COBL: variants seen among roughly 807,000 people sequenced by gnomAD.
COBL encodes the protein protein cordon-bleu.
COBL carries 51 observed loss-of-function variants against 98.8 expected under a neutral mutation model. The ratio of observed to expected loss-of-function variants is 0.52; its 90% CI spans 0.41 to 0.65. COBL has a LOEUF of 0.65. Among genes scored for constraint, COBL ranks in the 30% least tolerant of loss-of-function variants. COBL has a pLI of 0.00. For missense variants in COBL, 1,617 were observed against 1,617.5 expected (o/e 1.00, Z 0.01); for synonymous variants, 634 against 651.7 (o/e 0.97, Z 0.41).
chr7:51,171,716 A>G (rs1787893744), intron 5 of COBL, among the ~76,000 whole-genome samples: 1 of 152,296 alleles, frequency 6.6e-6, no homozygotes, highest in East Asian at 1.9e-4. Flanking sequence ...TTTTATAATC[A>G]CATCAAATAA....
chr7:51,136,274 G>C lies in COBL; in HGVS notation c.841C>G (p.Pro281Ala). Reference sequence around the variant, plus strand: ...GAGATGCTGCCCAGCGAGAGGGATGGACCCAGCGTAAGAGAACGTGAGTGC... The same window carrying C: ...GAGATGCTGCCCAGCGAGAGGGATGCACCCAGCGTAAGAGAACGTGAGTGC... Reference protein sequence around the residue: ...SMHSRSLTLGPSLSLGSISGV... With the variant: ...SMHSRSLTLGASLSLGSISGV... Residue 281 changes from proline (P) to alanine (A), a missense_variant, in exon 6 of 13, where the codon CCA becomes GCA. This residue lies in a region of COBL where 1,304 missense variants were observed against 1,282.0 expected (regional missense o/e 1.02). Coordinates refer to ENST00000265136, the MANE Select transcript of COBL (RefSeq NM_015198.5). 4 of 1,614,122 alleles carry C rather than the reference G, an allele frequency of 2.5e-6. No individual in the cohort carries two copies. The highest frequency in any genetic ancestry group is 1.3e-5 in the African/African-American group (1 of 75,058).
intron 5 of COBL, among the ~76,000 whole-genome samples, chr7:51,183,317 T>C (rs767716073): frequency 4.6e-5 from 7 of 152,254 alleles, no homozygotes; most frequent in Non-Finnish European, 1.0e-4. Context: ...GGAACAGTTT[T>C]GTCTTTTTTA....
chr7:51,315,847 T>C (rs1220313270), intron 1 of COBL, among the ~76,000 whole-genome samples: 15 of 151,894 alleles, frequency 9.9e-5, no homozygotes, highest in Non-Finnish European at 2.1e-4. Context: ...GGTGTGGGGA[T>C]AGCAAACAGA....
chr7:51,094,845 G>A (rs184141587), intron 6 of COBL, among the ~76,000 whole-genome samples: 1 of 152,292 alleles, frequency 6.6e-6, no homozygotes, highest in African/African-American at 2.4e-5. Context: ...ATGAAAATAT[G>A]TACTTTGTGA....
At chr7:51,121,661 C>A (rs1290067128) in intron 6 of COBL, among the ~76,000 whole-genome samples, 1 of 152,078 alleles carries the variant, frequency 6.6e-6, no homozygotes, top group Non-Finnish European at 1.5e-5. Context: ...GGCTCTGCAC[C>A]CAGCTTCAGT....
Position 51,194,988 on chromosome 7 carries a change from G to C in COBL, c.246-1399C>G, listed in dbSNP as rs181139455. On this transcript the variant is annotated intron_variant, in intron 2 of 12. Transcript: ENST00000265136. ...AGGTTATCTGTTTACTCTGTTGATA[G>C]TTTCTTTTGCTGTGCAGAAGCTCTG... Among the ~76,000 whole-genome samples the C allele has an allele frequency of 3.3e-5, 5 of 152,156 alleles. No homozygotes were observed. In the East Asian group the frequency reaches 9.7e-4, roughly 29 times the overall value.
At chr7:51,292,753 T>G (rs1331667368) in intron 1 of COBL, among the ~76,000 whole-genome samples, 1 of 152,200 alleles carries the variant, frequency 6.6e-6, no homozygotes, top group Admixed American at 6.5e-5. Flanking sequence ...CAAAGCTCCT[T>G]CCAAGGCCCG....
chr7:51,150,706 G>A (rs1785474078), intron 5 of COBL, among the ~76,000 whole-genome samples: 1 of 152,160 alleles, frequency 6.6e-6, no homozygotes, highest in African/African-American at 2.4e-5. Context: ...GATTCTAGTT[G>A]AGTTCATTGT....
intron 6 of COBL, among the ~76,000 whole-genome samples, chr7:51,134,094 A>C (rs1422097727): frequency 6.6e-6 from 1 of 152,218 alleles, no homozygotes; most frequent in Non-Finnish European, 1.5e-5. Context: ...CCAAACAAAC[A>C]TCTTATCTTT....
At chr7:51,276,616 T>A (rs1799335475) in intron 1 of COBL, among the ~76,000 whole-genome samples, 1 of 152,056 alleles carries the variant, frequency 6.6e-6, no homozygotes, top group South Asian at 2.1e-4. Context: ...GTGTGGGGGA[T>A]GAAAGGAGAC....
intron 6 of COBL, among the ~76,000 whole-genome samples, chr7:51,109,202 C>T (rs1032363939): frequency 3.3e-5 from 5 of 152,030 alleles, no homozygotes; most frequent in Non-Finnish European, 5.9e-5. Context: ...CATGGTGCTC[C>T]GCAGGGCTGC....
intron 1 of COBL, among the ~76,000 whole-genome samples, chr7:51,239,419 T>G (rs1795564745): frequency 6.6e-6 from 1 of 152,162 alleles, no homozygotes; most frequent in African/African-American, 2.4e-5. Flanking sequence ...TTACCCTGTA[T>G]GTCAAAAAAG....
intron 7 of COBL, among the ~76,000 whole-genome samples, chr7:51,076,766 T>C (rs1176020228): frequency 6.6e-6 from 1 of 152,188 alleles, no homozygotes; most frequent in Non-Finnish European, 1.5e-5. Flanking sequence ...TGCCTTTTGA[T>C]CTTTTGTCAA....
intron 5 of COBL, among the ~76,000 whole-genome samples, chr7:51,141,393 A>G (rs930934009): frequency 1.3e-5 from 2 of 152,164 alleles, no homozygotes; most frequent in Non-Finnish European, 2.9e-5. Flanking sequence ...TTAGAAGGAC[A>G]TGATGTTTGC....
At chr7:51,076,344 C>A (rs1793073141) in intron 7 of COBL, among the ~76,000 whole-genome samples, 1 of 152,230 alleles carries the variant, frequency 6.6e-6, no homozygotes, top group African/African-American at 2.4e-5. Context: ...TCCCGTCCTA[C>A]CTTCTCCAGT....
intron 1 of COBL, among the ~76,000 whole-genome samples, chr7:51,291,726 A>T (rs1800915377): frequency 6.6e-6 from 1 of 152,080 alleles, no homozygotes; most frequent in Non-Finnish European, 1.5e-5. Flanking sequence ...ACGCCATTGC[A>T]CTCCAGCCAG....
chr7:51,126,391 C>T (rs1046195851), intron 6 of COBL, among the ~76,000 whole-genome samples: 1 of 152,138 alleles, frequency 6.6e-6, no homozygotes, highest in Admixed American at 6.5e-5. Flanking sequence ...CCGAATAGAG[C>T]GGCACCACCC....
At chr7:51,315,666 TC>T (rs1376762353) in intron 1 of COBL, among the ~76,000 whole-genome samples, 7 of 152,112 alleles carry the variant, frequency 4.6e-5, no homozygotes, top group Non-Finnish European at 1.0e-4. Context: ...AACTACAAAG[TC>T]CACCGGGACT....
chr7:51,048,269 T>C (rs1789911108), intron 7 of COBL, among the ~76,000 whole-genome samples: 1 of 152,180 alleles, frequency 6.6e-6, no homozygotes, highest in Non-Finnish European at 1.5e-5. Flanking sequence ...CGTCTGAAAA[T>C]TTCCATCATG....
Sources: gnomAD v4.1 joint callset for allele counts (sites outside exome capture counted in the v4.1 genomes callset) on GRCh38, gnomAD v4.1.1 for gene constraint, gnomAD v4.1.1 regional missense constraint, MANE v1.5 for transcripts, NCBI Gene and HGNC (gene_info 2026-07-23, HGNC 2026-07-21) for gene names.